The following FHIT variants were observed in gnomAD, a reference collection of about 807,000 sequenced individuals.
The protein encoded by FHIT is fragile histidine triad diadenosine triphosphatase.
Under a neutral mutation model 17.9 loss-of-function variants are expected in FHIT, and 19 were observed. The observed-to-expected ratio is 1.06, with a 90% CI of 0.74 to 1.56. FHIT has a LOEUF of 1.56. FHIT is among the 40% of genes most tolerant of loss of function. The probability of loss-of-function intolerance (pLI) is 0.00; values close to 1 mark genes in which losing one functional copy is unlikely to be tolerated. For synonymous variants in FHIT, 81 were observed against 69.7 expected (o/e 1.16, Z -0.81); for missense variants, 248 against 189.2 (o/e 1.31, Z -1.82).
At chr3:59,854,631 T>G (rs1176319962) in intron 8 of FHIT, among the ~76,000 whole-genome samples, 1 of 152,152 alleles carries the variant, frequency 6.6e-6, no homozygotes, top group Admixed American at 6.5e-5. Context: ...TCCTCACAAT[T>G]TTGTGATTTT....
At chr3:59,919,298 T>C (rs1404316041) in intron 8 of FHIT, among the ~76,000 whole-genome samples, 1 of 152,198 alleles carries the variant, frequency 6.6e-6, no homozygotes, top group Non-Finnish European at 1.5e-5. Context: ...AGGCACTCTT[T>C]AAGTGTTCAT....
intron 5 of FHIT, among the ~76,000 whole-genome samples, chr3:60,201,804 A>T (rs900815459): frequency 6.6e-6 from 1 of 151,558 alleles, no homozygotes. Flanking sequence ...TTCCTCAAAC[A>T]TCCTAACTAG....
intron 5 of FHIT, among the ~76,000 whole-genome samples, chr3:60,278,412 G>A (rs1707271799): frequency 6.6e-6 from 1 of 151,960 alleles, no homozygotes; most frequent in South Asian, 2.1e-4. Context: ...GTCAGGGGAC[G>A]AAAAAAGGGC....
chr3:60,423,083 C>T (rs367652060), intron 5 of FHIT, among the ~76,000 whole-genome samples: 21 of 152,242 alleles, frequency 1.4e-4, no homozygotes, highest in South Asian at 4.1e-4. Flanking sequence ...ACATACCCAA[C>T]GGAACAGGCA....
At chr3:60,097,808 C>T (rs1167268417) in intron 5 of FHIT, among the ~76,000 whole-genome samples, 2 of 149,866 alleles carry the variant, frequency 1.3e-5, no homozygotes, top group African/African-American at 2.5e-5. Flanking sequence ...TGGTGTGCTG[C>T]ACCCATTAAC....
chr3:60,214,542 G>C, intron 5 of FHIT, among the ~76,000 whole-genome samples: 1 of 152,046 alleles, frequency 6.6e-6, no homozygotes, highest in South Asian at 2.1e-4. Context: ...CAGAGTAAAG[G>C]GAACACTTAC....
intron 3 of FHIT, among the ~76,000 whole-genome samples, chr3:60,989,587 T>C (rs895062547): frequency 3.9e-5 from 6 of 152,216 alleles, no homozygotes; most frequent in Admixed American, 3.3e-4. Context: ...GTTAGAAAGG[T>C]TAGTAAATCT....
At chr3:60,641,547 A>C (rs2039724659) in intron 4 of FHIT, among the ~76,000 whole-genome samples, 1 of 152,178 alleles carries the variant, frequency 6.6e-6, no homozygotes, top group South Asian at 2.1e-4. Flanking sequence ...GAAATTTACG[A>C]GAGTCCAATT....
chr3:60,714,387 C>T (rs1488902159), intron 4 of FHIT, among the ~76,000 whole-genome samples: 1 of 152,020 alleles, frequency 6.6e-6, no homozygotes, highest in African/African-American at 2.4e-5. Flanking sequence ...ACAGGGATGC[C>T]CTCTCTCACC....
Position 60,009,165 on chromosome 3 carries a change from ATGTGTGTGTGTGTGTGTG to A in FHIT, c.279+2188_279+2205del, listed in dbSNP as rs753809976. 9.5e-3 allele frequency among the ~76,000 whole-genome samples: 514 copies of A among 54,114 alleles called. 4 individuals carry two copies. The highest frequency in any genetic ancestry group is 0.024 in the African/African-American group (466 of 19,192). 35.5% of individuals were successfully genotyped at this position (54,114 alleles called of 152,430 possible). A position where few individuals can be genotyped will look rare whatever the true frequency, so the allele number is the denominator to read the frequency against. ...AACCTTCATTGTTCTCTGGGATTTT[ATGTGTGTGTGTGTGTGTG>A]TGTGTGTGTGTGTGTGTGTGTGTGT... On this transcript the variant is annotated intron_variant, in intron 7 of 9. Coordinates refer to ENST00000492590, the MANE Select transcript of FHIT (RefSeq NM_002012.4).
intron 4 of FHIT, among the ~76,000 whole-genome samples, chr3:60,755,281 A>G (rs1271206743): frequency 1.3e-5 from 2 of 152,212 alleles, no homozygotes; most frequent in Admixed American, 1.3e-4. Context: ...AGTGATGAGG[A>G]CATGACAACA....
chr3:60,927,551 C>T (rs1354085202), intron 3 of FHIT, among the ~76,000 whole-genome samples: 6 of 151,988 alleles, frequency 3.9e-5, no homozygotes, highest in Non-Finnish European at 8.8e-5. Context: ...GCGTCTCTGC[C>T]TGGCCGCCCA....
chr3:61,148,789 ATTTT>A (rs1190401590), intron 2 of FHIT, among the ~76,000 whole-genome samples: 1 of 152,180 alleles, frequency 6.6e-6, no homozygotes, highest in Non-Finnish European at 1.5e-5. Flanking sequence ...TGGTTATTTT[ATTTT>A]AACAGTATAT....
chr3:60,431,643 G>A (rs557088502), intron 5 of FHIT, among the ~76,000 whole-genome samples: 4 of 152,206 alleles, frequency 2.6e-5, no homozygotes, highest in African/African-American at 9.6e-5. Context: ...GGCTACACAT[G>A]CAGTAAATGA....
intron 4 of FHIT, among the ~76,000 whole-genome samples, chr3:60,652,353 C>A (rs1553688482): frequency 1.3e-5 from 2 of 152,182 alleles, no homozygotes; most frequent in African/African-American, 4.8e-5. Context: ...GTAATCCCAG[C>A]ACTTTGGGAG....
intron 8 of FHIT, among the ~76,000 whole-genome samples, chr3:59,769,258 C>A (rs886565788): frequency 2.0e-5 from 3 of 152,164 alleles, no homozygotes; most frequent in Non-Finnish European, 2.9e-5. Context: ...AAACGACAGG[C>A]TGGAGCACCA....
At chr3:60,789,515 TCAAA>T (rs1313530859) in intron 4 of FHIT, among the ~76,000 whole-genome samples, 17 of 152,208 alleles carry the variant, frequency 1.1e-4, no homozygotes, top group Admixed American at 3.9e-4. Context: ...AGACTCCATC[TCAAA>T]CAAACAAACA....
intron 7 of FHIT, among the ~76,000 whole-genome samples, chr3:59,988,841 G>A (rs1437259078): frequency 6.6e-6 from 1 of 152,126 alleles, no homozygotes; most frequent in Non-Finnish European, 1.5e-5. Context: ...TGCAGTTAGG[G>A]CCTCGAGCAG....
intron 5 of FHIT, among the ~76,000 whole-genome samples, chr3:60,436,460 G>A (rs1266719173): frequency 6.6e-6 from 1 of 152,110 alleles, no homozygotes; most frequent in African/African-American, 2.4e-5. Flanking sequence ...GCCAGCCACT[G>A]TCCTAGGTGC....
Sources: gnomAD v4.1 joint callset for allele counts (sites outside exome capture counted in the v4.1 genomes callset) on GRCh38, gnomAD v4.1.1 for gene constraint, MANE v1.5 for transcripts, NCBI Gene and HGNC (gene_info 2026-07-23, HGNC 2026-07-21) for gene names.